The following DNM3 variants were observed in gnomAD, a reference collection of about 807,000 sequenced individuals.
The protein encoded by DNM3 is dynamin-3.
A neutral mutation model predicts 101.6 loss-of-function variants in DNM3; 47 were observed. The ratio of observed to expected loss-of-function variants is 0.46; its 90% CI spans 0.37 to 0.59. The LOEUF (loss-of-function observed/expected upper bound fraction) is 0.59, where lower values mean the gene tolerates loss of function less well. Among genes scored for constraint, DNM3 ranks in the 20% least tolerant of loss-of-function variants. The probability of loss-of-function intolerance (pLI) is 0.00; values close to 1 mark genes in which losing one functional copy is unlikely to be tolerated. For synonymous variants in DNM3, 385 were observed against 387.9 expected (o/e 0.99, Z 0.09); for missense variants, 849 against 1,085.7 (o/e 0.78, Z 3.06).
At chr1:172,238,265 C>T (rs2148637958) in intron 14 of DNM3, among the ~76,000 whole-genome samples, 1 of 152,172 alleles carries the variant, frequency 6.6e-6, no homozygotes, top group Admixed American at 6.5e-5. Context: ...GAAATACTGC[C>T]CTACACTTCC....
chr1:172,392,648 A>G, intron 20 of DNM3, among the ~76,000 whole-genome samples: 1 of 152,198 alleles, frequency 6.6e-6, no homozygotes, highest in Middle Eastern at 3.2e-3. Context: ...GGCAATAATG[A>G]ACTCTGGCAT....
intron 15 of DNM3, among the ~76,000 whole-genome samples, chr1:172,264,080 G>T (rs547080657): frequency 6.6e-6 from 1 of 152,214 alleles, no homozygotes; most frequent in Non-Finnish European, 1.5e-5. Context: ...AAAAGAGTTA[G>T]CATCATAGAA....
At chr1:172,176,738 G>C (rs1017743054) in intron 14 of DNM3, among the ~76,000 whole-genome samples, 59 of 151,876 alleles carry the variant, frequency 3.9e-4, no homozygotes, top group African/African-American at 1.4e-3. Context: ...AATTAGTACA[G>C]AGTGAAAAGG....
chr1:171,882,467 A>G (rs1446996458), intron 1 of DNM3, among the ~76,000 whole-genome samples: 1 of 148,764 alleles, frequency 6.7e-6, no homozygotes, highest in African/African-American at 2.5e-5. Flanking sequence ...ACACACACGC[A>G]CCATTTAAGA....
intron 14 of DNM3, among the ~76,000 whole-genome samples, chr1:172,207,785 A>C (rs2060373012): frequency 6.6e-6 from 1 of 152,042 alleles, no homozygotes; most frequent in African/African-American, 2.4e-5. Context: ...TGTTTTTGGA[A>C]ATCTGAGTTT....
chr1:171,977,388 A>G (rs994667960), intron 2 of DNM3, among the ~76,000 whole-genome samples: 1 of 152,256 alleles, frequency 6.6e-6, no homozygotes, highest in Non-Finnish European at 1.5e-5. Context: ...TGGCTTAAAA[A>G]CAGATGTGTT....
At chr1:172,100,737 A>G (rs889450598) in intron 13 of DNM3, among the ~76,000 whole-genome samples, 3 of 152,190 alleles carry the variant, frequency 2.0e-5, no homozygotes, top group Admixed American at 1.3e-4. Flanking sequence ...GATAGAATCG[A>G]GCACTATTTA....
chr1:172,340,922 GTTGTTGAC>G (rs1443589797), intron 17 of DNM3, among the ~76,000 whole-genome samples: 13 of 152,144 alleles, frequency 8.5e-5, no homozygotes, highest in African/African-American at 2.7e-4. Context: ...CATTCAGTAT[GTTGTTGAC>G]TGTGGGTTGG....
At chr1:172,191,935 C>T (rs963016145) in intron 14 of DNM3, among the ~76,000 whole-genome samples, 1 of 151,986 alleles carries the variant, frequency 6.6e-6, no homozygotes, top group African/African-American at 2.4e-5. Flanking sequence ...ACGGGTTTTT[C>T]TAAATATACC....
At chr1:172,180,789 C>G (rs1438989106) in intron 14 of DNM3, among the ~76,000 whole-genome samples, 6 of 152,080 alleles carry the variant, frequency 3.9e-5, no homozygotes, top group Admixed American at 3.9e-4. Context: ...CTGGAACACT[C>G]TCCTCTGTTA....
chr1:172,065,473 G>C lies in DNM3; in HGVS notation c.1336-3346G>C, dbSNP rs1161532533. On this transcript the variant is annotated intron_variant, in intron 10 of 20. Transcript: ENST00000627582. ...GGTTTGCACTAGTCAAGAAGGACTGGAATTGATCAGCTATCTCTTCCACTC... is the reference window on the plus strand; with the variant it reads ...GGTTTGCACTAGTCAAGAAGGACTGCAATTGATCAGCTATCTCTTCCACTC... Among the ~76,000 whole-genome samples the C allele has an allele frequency of 2.6e-5, 4 of 152,272 alleles. No homozygotes were observed. The East Asian group carries it at 7.7e-4, about 29-fold the overall frequency.
At chr1:172,197,338 A>G (rs1028780857) in intron 14 of DNM3, among the ~76,000 whole-genome samples, 7 of 151,928 alleles carry the variant, frequency 4.6e-5, no homozygotes, top group African/African-American at 1.7e-4. Context: ...AAGTTGAGTA[A>G]CATGATGCCT....
At chr1:172,099,933 G>A (rs1270716584) in intron 13 of DNM3, among the ~76,000 whole-genome samples, 1 of 152,214 alleles carries the variant, frequency 6.6e-6, no homozygotes, top group Non-Finnish European at 1.5e-5. Context: ...GAGGACTGAT[G>A]TGGCATTTAC....
chr1:172,073,133 T>C (rs1358387983), intron 11 of DNM3, among the ~76,000 whole-genome samples: 1 of 152,070 alleles, frequency 6.6e-6, no homozygotes, highest in African/African-American at 2.4e-5. Flanking sequence ...CAAATAAGTA[T>C]AGGGTGCTAT....
chr1:172,323,112 G>C lies in DNM3; in HGVS notation c.1882-217G>C, dbSNP rs547798178. 1.9e-4 allele frequency among the ~76,000 whole-genome samples: 29 copies of C among 152,196 alleles called. No individual in the cohort carries two copies. In the South Asian group the frequency reaches 5.6e-3, roughly 29 times the overall value. On this transcript the variant is annotated intron_variant, in intron 16 of 20. Transcript: ENST00000627582. ...TGTATGATTTCATGTAACCTATGTG[G>C]ATTCTTTGACTTGTCCATGAGCTCT...
intron 17 of DNM3, among the ~76,000 whole-genome samples, chr1:172,354,110 T>TGAGAGAGAGAGAGAGAGAGAGAGA (rs1445200263): frequency 1.7e-4 from 9 of 52,584 alleles, no homozygotes; most frequent in East Asian, 1.5e-3. Flanking sequence ...TGTGTGTGTG[T>TGAGAGAGAGAGAGAGAGAGAGAGA]GTGAGAGAGA....
chr1:172,032,525 A>C (rs2048681077), intron 5 of DNM3, 25 bp downstream of exon 5: 2 of 662,880 alleles, frequency 3.0e-6, no homozygotes, highest in Admixed American at 4.3e-5. Flanking sequence ...TCTATACAAG[A>C]CTTTTTTTTT....
intron 15 of DNM3, among the ~76,000 whole-genome samples, chr1:172,295,435 T>C (rs2064120019): frequency 6.6e-6 from 1 of 152,196 alleles, no homozygotes; most frequent in Admixed American, 6.5e-5. Flanking sequence ...TATGTCAGTA[T>C]TTCTAGATAG....
exon 21 of DNM3, chr1:172,418,426 T>C (rs1208652878): frequency 1.1e-6 from 1 of 930,308 alleles, no homozygotes; most frequent in African/African-American, 1.8e-5. Flanking sequence ...TTATTTTTCA[T>C]CCATGTGTAT....
Sources: allele counts gnomAD v4.1 joint callset (sites outside exome capture counted in the v4.1 genomes callset), GRCh38; gene constraint gnomAD v4.1.1; transcripts MANE v1.5; gene names NCBI Gene and HGNC (gene_info 2026-07-23, HGNC 2026-07-21).